Variants in NFYC observed in about 807,000 individuals in gnomAD.
NFYC encodes the protein nuclear transcription factor Y subunit gamma.
In NFYC, 25 loss-of-function variants were observed where a neutral mutation model predicts 53.1. That is an observed-to-expected ratio of 0.47 (90% CI 0.34 to 0.66). NFYC has a LOEUF of 0.66. Among genes scored for constraint, NFYC ranks in the 30% least tolerant of loss-of-function variants. The pLI, the probability that NFYC is intolerant of heterozygous loss-of-function variation, is 0.01. For missense variants in NFYC, 260 were observed against 422.7 expected (o/e 0.62, Z 3.38); for synonymous variants, 145 against 152.6 (o/e 0.95, Z 0.37).
chr1:40,696,949 A>G (rs767905015), intron 1 of NFYC, among the ~76,000 whole-genome samples: 1 of 152,228 alleles, frequency 6.6e-6, no homozygotes, highest in Non-Finnish European at 1.5e-5. Flanking sequence ...TAATGTAAGT[A>G]GATTAATTGC....
intron 1 of NFYC, among the ~76,000 whole-genome samples, chr1:40,699,222 T>G (rs1237611248): frequency 3.3e-5 from 5 of 152,070 alleles, no homozygotes; most frequent in African/African-American, 1.2e-4. Flanking sequence ...GAAATGATGT[T>G]AGAGTATAGA....
chr1:40,743,769 T>C (rs1196553012), intron 2 of NFYC, among the ~76,000 whole-genome samples: 1 of 152,234 alleles, frequency 6.6e-6, no homozygotes, highest in African/African-American at 2.4e-5. Context: ...TCAAACTTTA[T>C]TGTCTGTATG....
chr1:40,709,526 C>T (rs1266758842), intron 1 of NFYC: 1 of 152,152 alleles, frequency 6.6e-6, no homozygotes, highest in Admixed American at 6.6e-5. Flanking sequence ...TTTGTTTCCT[C>T]CGTCCTTTGG....
chr1:40,758,038 G>A, intron 5 of NFYC, 83 bp from the exon 6 acceptor site: 1 of 1,520,040 alleles, frequency 6.6e-7, no homozygotes, highest in Non-Finnish European at 9.1e-7. Context: ...CACATAGCCT[G>A]TTTGGGGGAA....
intron 1 of NFYC, among the ~76,000 whole-genome samples, chr1:40,736,914 G>T (rs1645056360): frequency 6.6e-6 from 1 of 151,158 alleles, no homozygotes; most frequent in African/African-American, 2.4e-5. Flanking sequence ...ATCATCTGAG[G>T]TCAGGAGTTT....
chr1:40,697,536 C>T (rs1236379413), intron 1 of NFYC, among the ~76,000 whole-genome samples: 6 of 152,138 alleles, frequency 3.9e-5, no homozygotes, highest in Admixed American at 3.3e-4. Context: ...GATTGCGATG[C>T]GATGAAAACT....
At chr1:40,754,827 C>T (rs1570663684) in intron 5 of NFYC, among the ~76,000 whole-genome samples, 1 of 151,888 alleles carries the variant, frequency 6.6e-6, no homozygotes. Flanking sequence ...CATACAGCTC[C>T]TTATTCCATC....
At chr1:40,721,853 G>A (rs116658025) in intron 1 of NFYC, 3,065 of 152,146 alleles carry the variant, frequency 0.02, 54 homozygotes, top group Middle Eastern at 0.045. Flanking sequence ...ATGAGCCACC[G>A]TTCCCAGCCC....
Position 40,747,488 on chromosome 1 carries a change from T to C in NFYC, c.106-46T>C, listed in dbSNP as rs2274958. On this transcript the variant is annotated intron_variant, in intron 2 of 9. Coordinates refer to ENST00000447388, the MANE Select transcript of NFYC (RefSeq NM_014223.5). Reference sequence around the variant, plus strand: ...TACTGCCTGTCATGCTTTGCCACACTGTTGATTGTCCCCACCATTTATGCA... The same window carrying C: ...TACTGCCTGTCATGCTTTGCCACACCGTTGATTGTCCCCACCATTTATGCA... 8.9e-4 allele frequency: 1,225 copies of C among 1,382,994 alleles called. 10 individuals are homozygous for C. In the East Asian group the frequency reaches 0.023, roughly 26 times the overall value. 85.7% of individuals were successfully genotyped at this position (1,382,994 alleles called of 1,614,324 possible). A position where few individuals can be genotyped will look rare whatever the true frequency, so the allele number is the denominator to read the frequency against.
chr1:40,753,849 T>C (rs1406597570), intron 5 of NFYC, among the ~76,000 whole-genome samples: 1 of 152,160 alleles, frequency 6.6e-6, no homozygotes, highest in Non-Finnish European at 1.5e-5. Flanking sequence ...GAACCACCAC[T>C]TGAGCTGTTT....
At position 40,739,100 on chromosome 1, in the gene NFYC, C is replaced by T. The variant is rs1043382440; in HGVS notation, c.105+152C>T. 5 of 620,034 alleles carry T rather than the reference C, an allele frequency of 8.1e-6. No homozygotes were observed. In the African/African-American group the frequency reaches 9.2e-5, roughly 11 times the overall value. The allele number at this position is 620,034 out of a possible 1,614,324, so 38.4% of individuals were successfully genotyped here. On this transcript the variant is annotated intron_variant, in intron 2 of 9. Transcript: ENST00000447388. Reference sequence around the variant, plus strand: ...TGACCTGTGGGTAGGAAAATGAAAACATAATTTGCCTTCCGTGAGGTAACT... The same window carrying T: ...TGACCTGTGGGTAGGAAAATGAAAATATAATTTGCCTTCCGTGAGGTAACT...
rs776847789 is a variant in NFYC at position 40,766,795 on chromosome 1, C to T, written c.828+92C>T. 1.2e-5 allele frequency: 18 copies of T among 1,489,402 alleles called. No individual in the cohort carries two copies. The South Asian group carries it at 2.0e-4, about 16-fold the overall frequency. 92.3% of individuals were successfully genotyped at this position (1,489,402 alleles called of 1,614,324 possible). On this transcript the variant is annotated intron_variant, in intron 8 of 9. Coordinates refer to ENST00000447388, the MANE Select transcript of NFYC (RefSeq NM_014223.5). ...AGCGCTCAGCACACAGCTGTCTTGC[C>T]ACCTCATCCTTCAACCAGAAGCACC... is the stretch of plus-strand genomic sequence containing the variant.
rs1321995422 is a variant in NFYC, at chr1:40,769,372, T to C, written c.845T>C (p.Val282Ala). Reference sequence around the variant, plus strand: ...TTCTTACAGATTACACAGACAGAGGTCCAGCAAGGACAGCAGCAGTTCAGC... The same window carrying C: ...TTCTTACAGATTACACAGACAGAGGCCCAGCAAGGACAGCAGCAGTTCAGC... ...TNAQQITQTEVQQGQQQFSQF... is the reference protein window; with the variant it reads ...TNAQQITQTEAQQGQQQFSQF... Residue 282 changes from valine to alanine, a missense_variant, in exon 9 of 10, where the codon GTC becomes GCC. By Grantham distance (64) the Val-to-Ala change is moderately conservative. Coordinates refer to ENST00000447388, the MANE Select transcript of NFYC (RefSeq NM_014223.5). 1.9e-6 allele frequency: 3 copies of C among 1,613,632 alleles called. No individual in the cohort carries two copies. The highest frequency in any genetic ancestry group is 2.5e-6 in the Non-Finnish European group (3 of 1,179,940).
intron 4 of NFYC, among the ~76,000 whole-genome samples, chr1:40,751,571 T>G (rs1443426298): frequency 6.6e-6 from 1 of 152,112 alleles, no homozygotes; most frequent in African/African-American, 2.4e-5. Flanking sequence ...ATATCTGGCT[T>G]AAAATTTTTG....
At chr1:40,711,272 A>G (rs1643918953) in intron 1 of NFYC, among the ~76,000 whole-genome samples, 1 of 152,226 alleles carries the variant, frequency 6.6e-6, no homozygotes, top group Non-Finnish European at 1.5e-5. Context: ...CATTCTGGGA[A>G]TTTAAGTCCT....
chr1:40,694,692 A>G (rs575005774), intron 1 of NFYC, among the ~76,000 whole-genome samples: 3 of 152,194 alleles, frequency 2.0e-5, no homozygotes, highest in Admixed American at 2.0e-4. Context: ...CTGCCCTTCA[A>G]CATTGGTGAC....
chr1:40,754,934 G>A (rs1646130505), intron 5 of NFYC, among the ~76,000 whole-genome samples: 1 of 152,152 alleles, frequency 6.6e-6, no homozygotes, highest in South Asian at 2.1e-4. Context: ...GTAGGTGTTC[G>A]AGGCATTGAT....
chr1:40,716,462 AAAAG>A (rs1475544864), intron 1 of NFYC, among the ~76,000 whole-genome samples: 1 of 152,164 alleles, frequency 6.6e-6, no homozygotes, highest in African/African-American at 2.4e-5. Flanking sequence ...AAGGAGTGGT[AAAAG>A]AAAGAAGTAT....
Position 40,771,216 on chromosome 1 carries a change from G to A in NFYC, c.*388G>A. ...TTCTTTTTAGGAGCAAATCTCCCCA[G>A]GGGTGTACGGTATTTCTTGACTCTG... On this transcript the variant is annotated 3_prime_UTR_variant, in exon 10 of 10. Coordinates refer to ENST00000447388, the MANE Select transcript of NFYC (RefSeq NM_014223.5). 3.2e-6 allele frequency: 1 copy of A among 316,906 alleles called. No homozygotes were observed. Among genetic ancestry groups the A allele is most frequent in the East Asian group, 8.6e-5 (1 of 11,644 alleles). The allele number at this position is 316,906 out of a possible 1,614,324, so 19.6% of individuals were successfully genotyped here.
Sources: allele counts gnomAD v4.1 joint callset (sites outside exome capture counted in the v4.1 genomes callset), GRCh38; gene constraint gnomAD v4.1.1; transcripts MANE v1.5; gene names NCBI Gene and HGNC (gene_info 2026-07-23, HGNC 2026-07-21).